The following DNAJC3 variants were observed in gnomAD, a reference collection of about 807,000 sequenced individuals.
DNAJC3 encodes the protein DnaJ heat shock protein family (Hsp40) member C3.
In DNAJC3, 38 loss-of-function variants were observed where a neutral mutation model predicts 68.6. That is an observed-to-expected ratio of 0.55 (90% CI 0.43 to 0.73). The LOEUF (loss-of-function observed/expected upper bound fraction) is 0.73. Among genes scored for constraint, DNAJC3 ranks in the 30% least tolerant of loss-of-function variants. DNAJC3 has a pLI of 0.00. For missense variants in DNAJC3, 526 were observed against 591.9 expected (o/e 0.89, Z 1.16); for synonymous variants, 203 against 204.0 (o/e 1.00, Z 0.04).
chr13:95,689,554 G>T (rs965805591), intron 1 of DNAJC3, among the ~76,000 whole-genome samples: 7 of 151,086 alleles, frequency 4.6e-5, no homozygotes, highest in African/African-American at 1.7e-4. Flanking sequence ...TTTTTGTTTT[G>T]TAGATCCTTT....
At chr13:95,748,689 G>A (rs1301939987) in intron 4 of DNAJC3, among the ~76,000 whole-genome samples, 2 of 152,142 alleles carry the variant, frequency 1.3e-5, no homozygotes, top group African/African-American at 4.8e-5. Flanking sequence ...GTTGGCACAC[G>A]CCTGTAATCC....
Position 95,677,307 on chromosome 13 carries a change from C to T in DNAJC3, c.52C>T (p.Leu18=), listed in dbSNP as rs767605486. The T allele has an allele frequency of 4.4e-6, 7 of 1,600,324 alleles. No homozygotes were observed. Among genetic ancestry groups the T allele is most frequent in the Admixed American group, 1.7e-5 (1 of 58,786 alleles). Residue 18 remains leucine (L), a synonymous_variant, in exon 1 of 12, where the codon CTG becomes TTG. Transcript: ENST00000602402. The part of the protein sequence containing the change: ...TSRLGSVFPF[L]LVLVDLQYEG... ...CCGGCTGGGCTCGGTATTCCCCTTCCTGCTAGTCCTGGTGGATCTGCAGTA... is the reference window on the plus strand; with the variant it reads ...CCGGCTGGGCTCGGTATTCCCCTTCTTGCTAGTCCTGGTGGATCTGCAGTA...
chr13:95,737,317 A>G (rs1881959484), intron 4 of DNAJC3, among the ~76,000 whole-genome samples: 2 of 152,216 alleles, frequency 1.3e-5, no homozygotes, highest in Admixed American at 1.3e-4. Context: ...CTTTGGTATC[A>G]GAATGATGCT....
At chr13:95,688,282 A>G (rs779267199) in intron 1 of DNAJC3, among the ~76,000 whole-genome samples, 1 of 151,976 alleles carries the variant, frequency 6.6e-6, no homozygotes, top group Non-Finnish European at 1.5e-5. Context: ...CTCTTGCCTG[A>G]TTGCTCTGGT....
chr13:95,708,843 A>G (rs1033509330), intron 1 of DNAJC3, among the ~76,000 whole-genome samples: 3 of 152,220 alleles, frequency 2.0e-5, no homozygotes, highest in African/African-American at 7.2e-5. Context: ...TGCCTAGTGC[A>G]TTATAGGTGC....
At chr13:95,698,452 A>G (rs56821033) in intron 1 of DNAJC3, among the ~76,000 whole-genome samples, 2,600 of 152,276 alleles carry the variant, frequency 0.017, 80 homozygotes, top group African/African-American at 0.06. Flanking sequence ...CTCCAATGAT[A>G]AGCATAGGCA....
chr13:95,705,518 C>CTT (rs1163411596), intron 1 of DNAJC3, among the ~76,000 whole-genome samples: 1 of 149,818 alleles, frequency 6.7e-6, no homozygotes, highest in African/African-American at 2.5e-5. Flanking sequence ...CTCTCTCTCT[C>CTT]TCTTTTTTTT....
intron 4 of DNAJC3, among the ~76,000 whole-genome samples, chr13:95,733,092 C>A (rs1055975003): frequency 5.3e-5 from 8 of 152,046 alleles, no homozygotes; most frequent in Non-Finnish European, 1.2e-4. Flanking sequence ...TGCTGATGAG[C>A]AGTATGTATA....
chr13:95,691,503 C>T (rs997284403), intron 1 of DNAJC3, among the ~76,000 whole-genome samples: 7 of 151,356 alleles, frequency 4.6e-5, no homozygotes, highest in East Asian at 2.0e-4. Context: ...TGATGGCGGC[C>T]GGGAAGAGGC....
chr13:95,693,708 T>A (rs1359386062), intron 1 of DNAJC3: 3 of 152,058 alleles, frequency 2.0e-5, no homozygotes, highest in African/African-American at 7.3e-5. Flanking sequence ...TAACTAATAA[T>A]CTTAAGCTAA....
chr13:95,784,031 C>T (rs563980536), intron 9 of DNAJC3, among the ~76,000 whole-genome samples: 1 of 152,298 alleles, frequency 6.6e-6, no homozygotes, highest in East Asian at 1.9e-4. Context: ...TTTCTGGGAA[C>T]CCCTTTGCAT....
At chr13:95,762,370 T>C (rs754262539) in intron 7 of DNAJC3, among the ~76,000 whole-genome samples, 12 of 152,170 alleles carry the variant, frequency 7.9e-5, no homozygotes, top group Non-Finnish European at 1.3e-4. Flanking sequence ...TGTTGGCGTT[T>C]CTGCATTGCT....
chr13:95,711,747 C>T (rs1880974487), intron 2 of DNAJC3, among the ~76,000 whole-genome samples: 1 of 151,974 alleles, frequency 6.6e-6, no homozygotes, highest in Non-Finnish European at 1.5e-5. Flanking sequence ...GGAGAAATAA[C>T]AAATTTATAA....
At chr13:95,779,084 T>C (rs1404626760) in intron 9 of DNAJC3, among the ~76,000 whole-genome samples, 1 of 151,378 alleles carries the variant, frequency 6.6e-6, no homozygotes, top group Non-Finnish European at 1.5e-5. Context: ...AAAAAATACA[T>C]AACGGAATTT....
intron 1 of DNAJC3, among the ~76,000 whole-genome samples, chr13:95,681,604 T>C (rs1047820895): frequency 3.9e-5 from 6 of 152,228 alleles, no homozygotes; most frequent in Non-Finnish European, 2.9e-5. Context: ...TCCTCATCCC[T>C]TGGCCTCCCA....
chr13:95,677,290 G>A lies in DNAJC3; in HGVS notation c.35G>A (p.Gly12Asp), dbSNP rs1879780227. 1.2e-6 allele frequency: 2 copies of A among 1,601,780 alleles called. No individual in the cohort carries two copies. Among genetic ancestry groups the A allele is most frequent in the Middle Eastern group, 1.7e-4 (1 of 6,020 alleles). Residue 12 changes from glycine to aspartate, a missense_variant, in exon 1 of 12, where the codon GGC becomes GAC. Physicochemically the swap from Gly to Asp is moderately conservative, Grantham distance 94. Coordinates refer to ENST00000602402, the MANE Select transcript of DNAJC3 (RefSeq NM_006260.5). ...CCCGGCTCCGTGACCAGCCGGCTGG[G>A]CTCGGTATTCCCCTTCCTGCTAGTC... ...VAPGSVTSRL[G>D]SVFPFLLVLV...
intron 2 of DNAJC3, among the ~76,000 whole-genome samples, chr13:95,712,164 C>T (rs1880991821): frequency 6.6e-6 from 1 of 151,908 alleles, no homozygotes; most frequent in African/African-American, 2.4e-5. Context: ...TATTTAACAC[C>T]ATTTCTGAAA....
rs1883834536 is a variant in DNAJC3, at chr13:95,793,135, AC to A, written c.*2106del. ...ATCATGGATTTACTTAGTCATCTTAACTGACCTGCAGTTACTTGCCTGTTTT... is the reference window on the plus strand; with the variant it reads ...ATCATGGATTTACTTAGTCATCTTAATGACCTGCAGTTACTTGCCTGTTTT... On this transcript the variant is annotated 3_prime_UTR_variant, in exon 12 of 12. Coordinates refer to ENST00000602402, the MANE Select transcript of DNAJC3 (RefSeq NM_006260.5). The A allele has an allele frequency of 6.6e-6, 1 of 152,208 alleles. No individual in the cohort carries two copies. 9.4% of individuals were successfully genotyped at this position (152,208 alleles called of 1,614,324 possible). A position where few individuals can be genotyped will look rare whatever the true frequency, so the allele number is the denominator to read the frequency against.
intron 11 of DNAJC3, among the ~76,000 whole-genome samples, chr13:95,788,284 T>G (rs1006422877): frequency 1.3e-5 from 2 of 152,240 alleles, no homozygotes; most frequent in South Asian, 4.1e-4. Flanking sequence ...TCCTCTTAGT[T>G]TGTGCAGTGC....
Sources: allele counts gnomAD v4.1 joint callset (sites outside exome capture counted in the v4.1 genomes callset), GRCh38; gene constraint gnomAD v4.1.1; transcripts MANE v1.5; gene names NCBI Gene and HGNC (gene_info 2026-07-23, HGNC 2026-07-21).